WDR93: variants seen among roughly 807,000 people sequenced by gnomAD.
WDR93 encodes WD repeat domain 93.
Under a neutral mutation model 82.9 loss-of-function variants are expected in WDR93, and 73 were observed. The observed-to-expected ratio is 0.88, with a 90% CI of 0.73 to 1.07. The LOEUF is 1.07. Among genes scored for constraint, WDR93 ranks in the 50% least tolerant of loss-of-function variants. The pLI is 0.00. For missense variants in WDR93, 738 were observed against 826.0 expected (o/e 0.89, Z 1.31); for synonymous variants, 283 against 300.1 (o/e 0.94, Z 0.59).
At chr15:89,691,577 G>A (rs1964885556) in intron 1 of WDR93, among the ~76,000 whole-genome samples, 1 of 152,132 alleles carries the variant, frequency 6.6e-6, no homozygotes, top group Non-Finnish European at 1.5e-5. Context: ...AAAAGTAGCC[G>A]GGCGTGGTGG....
intron 15 of WDR93, 140 bp from the exon 16 acceptor site, chr15:89,737,901 T>A: frequency 7.6e-7 from 1 of 1,311,252 alleles, no homozygotes; most frequent in Non-Finnish European, 1.0e-6. Context: ...GCCAGCAGGG[T>A]CTTCTCTCTG....
At chr15:89,738,299 T>C in intron 16 of WDR93, 63 bp downstream of exon 16, 1 of 1,486,996 alleles carries the variant, frequency 6.7e-7, no homozygotes, top group Non-Finnish European at 9.0e-7. Context: ...TGAGGGATAG[T>C]GGAGTTTCTT....
intron 16 of WDR93, among the ~76,000 whole-genome samples, chr15:89,742,121 C>T (rs1212264251): frequency 6.6e-6 from 1 of 152,144 alleles, no homozygotes; most frequent in Non-Finnish European, 1.5e-5. Context: ...GGTGCTGTGG[C>T]TCACGCCTGT....
chr15:89,695,741 A>G (rs1391442077), intron 1 of WDR93, among the ~76,000 whole-genome samples: 2 of 152,082 alleles, frequency 1.3e-5, no homozygotes, highest in South Asian at 4.1e-4. Context: ...ATCTGGAGAT[A>G]AAGACAGCTT....
At chr15:89,692,273 G>C (rs919510546) in intron 1 of WDR93, among the ~76,000 whole-genome samples, 1 of 152,186 alleles carries the variant, frequency 6.6e-6, no homozygotes, top group Non-Finnish European at 1.5e-5. Context: ...AATTCCAGGG[G>C]TATTGGTACC....
intron 3 of WDR93, 80 bp from the exon 4 acceptor site, chr15:89,705,474 A>T: frequency 1.1e-6 from 1 of 882,570 alleles, no homozygotes; most frequent in Non-Finnish European, 1.9e-6. Flanking sequence ...TGGTAAGTTC[A>T]CAAAGTCCAA....
intron 16 of WDR93, among the ~76,000 whole-genome samples, chr15:89,741,708 A>G: frequency 6.6e-6 from 1 of 152,098 alleles, no homozygotes; most frequent in East Asian, 1.9e-4. Flanking sequence ...GTGTTTAAAT[A>G]TATTCATATA....
chr15:89,723,719 A>G (rs1321423024), intron 8 of WDR93, among the ~76,000 whole-genome samples: 1 of 152,244 alleles, frequency 6.6e-6, no homozygotes, highest in Non-Finnish European at 1.5e-5. Flanking sequence ...CACTTGATGC[A>G]TTACAGAGGC....
At chr15:89,740,291 C>A (rs897743089) in intron 16 of WDR93, among the ~76,000 whole-genome samples, 5 of 152,108 alleles carry the variant, frequency 3.3e-5, no homozygotes, top group Non-Finnish European at 4.4e-5. Context: ...TTAACAGGGG[C>A]GTTCAAGTCC....
intron 1 of WDR93, among the ~76,000 whole-genome samples, chr15:89,698,998 C>G (rs1472234904): frequency 6.6e-6 from 1 of 152,022 alleles, no homozygotes; most frequent in Non-Finnish European, 1.5e-5. Context: ...AGTGATCCTC[C>G]AAGCACATGC....
chr15:89,738,077 C>T lies in WDR93; in HGVS notation c.1802C>T (p.Ala601Val). ...CATGAAACTGCGTCCACCGACGATG[C>T]TGGAATCCAATATTCTGTTTTCTAT... ...YSHETASTDD[A>V]GIQYSVFYFN... The change falls in exon 16 of 17, where the codon GCT becomes GTT. Residue 601 changes from alanine (A) to valine (V), a missense_variant. Coordinates refer to ENST00000268130, the MANE Select transcript of WDR93 (RefSeq NM_020212.2). 1 of 1,613,634 alleles carries T rather than the reference C, an allele frequency of 6.2e-7. No individual in the cohort carries two copies. Among genetic ancestry groups the T allele is most frequent in the Non-Finnish European group, 8.5e-7 (1 of 1,179,830 alleles).
chr15:89,737,861 C>A, intron 15 of WDR93, 132 bp downstream of exon 15: 3 of 1,393,100 alleles, frequency 2.2e-6, no homozygotes, highest in Non-Finnish European at 2.9e-6. Context: ...GGTACCGCAG[C>A]TCAGTCCTCA....
chr15:89,714,983 C>A lies in WDR93; in HGVS notation c.644C>A (p.Ala215Asp). The A allele has an allele frequency of 6.2e-7, 1 of 1,613,126 alleles. No individual in the cohort carries two copies. The highest frequency in any genetic ancestry group is 8.5e-7 in the Non-Finnish European group (1 of 1,179,480). ...GTTCTCTGGTTTCCCAATGCAGGAGCCGGAGATATTTGGCTGGATGTGTAT... is the reference window on the plus strand; with the variant it reads ...GTTCTCTGGTTTCCCAATGCAGGAGACGGAGATATTTGGCTGGATGTGTAT... ...GDFAAFLLQGAGDIWLDVYKL... is the reference protein window; with the variant it reads ...GDFAAFLLQGDGDIWLDVYKL... The change falls in exon 6 of 17, where the codon GCC becomes GAC. Residue 215 changes from alanine to aspartate, a missense_variant. Coordinates refer to ENST00000268130, the MANE Select transcript of WDR93 (RefSeq NM_020212.2).
Position 89,733,198 on chromosome 15 carries a change from C to G in WDR93, c.1523C>G (p.Thr508Ser), listed in dbSNP as rs752546722. The stretch of plus-strand genomic sequence containing the variant: ...GAGGCTAGCGGGACCCAAGGACCCA[C>G]CATCAGTGTGCTTGTTGAGAGGTCA... ...LVEASGTQGP[T>S]ISVLVERPVK... Residue 508 changes from threonine to serine, a missense_variant, in exon 13 of 17, where the codon ACC becomes AGC. By Grantham distance (58) the Thr-to-Ser change is moderately conservative. Transcript: ENST00000268130. 4.0e-5 allele frequency: 65 copies of G among 1,613,832 alleles called. No individual in the cohort carries two copies. In the Admixed American group the frequency reaches 1.0e-3, roughly 25 times the overall value.
intron 12 of WDR93, among the ~76,000 whole-genome samples, chr15:89,732,272 A>G (rs1966868610): frequency 6.6e-6 from 1 of 152,184 alleles, no homozygotes. Flanking sequence ...TGGCAGGTGC[A>G]GAGCATCAGA....
At chr15:89,695,294 T>C (rs1965112809) in intron 1 of WDR93, among the ~76,000 whole-genome samples, 1 of 152,208 alleles carries the variant, frequency 6.6e-6, no homozygotes, top group Non-Finnish European at 1.5e-5. Context: ...ATTTAGGTCT[T>C]CTTTAATTTC....
chr15:89,735,608 G>A, intron 14 of WDR93, 55 bp downstream of exon 14: 1 of 1,551,032 alleles, frequency 6.4e-7, no homozygotes, highest in African/African-American at 1.4e-5. Context: ...TCTCTTCTGT[G>A]AATGTGTTCA....
chr15:89,695,813 C>CTT (rs58664153), intron 1 of WDR93, among the ~76,000 whole-genome samples: 3,565 of 99,280 alleles, frequency 0.036, 332 homozygotes, highest in African/African-American at 0.11. Context: ...TCATGCTGTC[C>CTT]TTTTTTTTTT....
intron 8 of WDR93, among the ~76,000 whole-genome samples, chr15:89,723,238 A>AAATAAATAAATC (rs1460611773): frequency 6.6e-6 from 1 of 151,166 alleles, no homozygotes. Flanking sequence ...ATAAATAAAT[A>AAATAAATAAATC]AATCTGGTAC....
Sources: gnomAD v4.1 joint callset for allele counts (sites outside exome capture counted in the v4.1 genomes callset) on GRCh38, gnomAD v4.1.1 for gene constraint, MANE v1.5 for transcripts, NCBI Gene and HGNC (gene_info 2026-07-23, HGNC 2026-07-21) for gene names.